Variants in PLPPR5 observed in about 807,000 individuals in gnomAD.
The protein encoded by PLPPR5 is phospholipid phosphatase related 5.
In PLPPR5, 16 loss-of-function variants were observed where a neutral mutation model predicts 33.9. The ratio of observed to expected loss-of-function variants is 0.47; its 90% CI spans 0.32 to 0.72. PLPPR5 has a LOEUF of 0.72. Among genes scored for constraint, PLPPR5 ranks in the 30% least tolerant of loss-of-function variants. The pLI is 0.03. For synonymous variants in PLPPR5, 163 were observed against 150.3 expected (o/e 1.08, Z -0.62); for missense variants, 301 against 406.7 (o/e 0.74, Z 2.23).
intron 3 of PLPPR5, among the ~76,000 whole-genome samples, chr1:98,933,855 C>T (rs977810597): frequency 2.0e-5 from 3 of 152,104 alleles, no homozygotes; most frequent in Non-Finnish European, 2.9e-5. Context: ...ATTTGGGCAA[C>T]GTGAGCAGAT....
intron 3 of PLPPR5, among the ~76,000 whole-genome samples, chr1:98,949,914 C>CA (rs1259955758): frequency 1.3e-5 from 2 of 152,126 alleles, no homozygotes; most frequent in African/African-American, 4.8e-5. Flanking sequence ...AAGCAGGAAT[C>CA]CTAGTTTGTA....
At chr1:98,978,919 C>A (rs1651962507) in intron 1 of PLPPR5, among the ~76,000 whole-genome samples, 1 of 152,016 alleles carries the variant, frequency 6.6e-6, no homozygotes, top group African/African-American at 2.4e-5. Context: ...TCCTTCCCAA[C>A]CAAATCCAAA....
intron 3 of PLPPR5, among the ~76,000 whole-genome samples, chr1:98,944,929 G>A (rs866869635): frequency 2.2e-4 from 34 of 152,168 alleles, no homozygotes; most frequent in Admixed American, 1.6e-3. Flanking sequence ...TAATTGTGTC[G>A]TTTGAAAAGC....
chr1:98,974,305 G>T (rs72730396), intron 1 of PLPPR5, among the ~76,000 whole-genome samples: 10,633 of 152,070 alleles, frequency 0.07, 502 homozygotes, highest in Non-Finnish European at 0.096. Context: ...AAGCAAGGAG[G>T]TTGTCATTGG....
At chr1:98,938,161 G>GA (rs201954296) in intron 3 of PLPPR5, among the ~76,000 whole-genome samples, 184 of 148,372 alleles carry the variant, frequency 1.2e-3, no homozygotes, top group African/African-American at 3.8e-3. Context: ...AAAGAAAAAG[G>GA]AAAAAAAAAG....
intron 3 of PLPPR5, among the ~76,000 whole-genome samples, chr1:98,939,627 G>T (rs745446413): frequency 1.4e-4 from 21 of 151,966 alleles, no homozygotes; most frequent in Non-Finnish European, 2.9e-4. Context: ...CAGATGCTCT[G>T]CAAATGATGC....
At chr1:98,959,053 A>C (rs1239287480) in intron 1 of PLPPR5, among the ~76,000 whole-genome samples, 1 of 152,196 alleles carries the variant, frequency 6.6e-6, no homozygotes, top group African/African-American at 2.4e-5. Context: ...TTTTCAAAAA[A>C]CCGTCAGCTT....
chr1:98,987,928 A>G (rs180981650), intron 1 of PLPPR5, among the ~76,000 whole-genome samples: 1 of 152,222 alleles, frequency 6.6e-6, no homozygotes, highest in East Asian at 1.9e-4. Flanking sequence ...ATGAACAAAA[A>G]TTGAAATATT....
intron 3 of PLPPR5, among the ~76,000 whole-genome samples, chr1:98,943,704 G>A (rs1422377741): frequency 6.6e-6 from 1 of 152,196 alleles, no homozygotes; most frequent in East Asian, 1.9e-4. Flanking sequence ...CATTATTGAA[G>A]GGAGGATAGT....
chr1:98,941,939 T>G (rs926336531), intron 3 of PLPPR5, among the ~76,000 whole-genome samples: 5 of 151,404 alleles, frequency 3.3e-5, no homozygotes, highest in African/African-American at 1.2e-4. Flanking sequence ...AAATGCATCC[T>G]CAATTTAGAA....
At chr1:98,963,903 TA>T (rs1651341621) in intron 1 of PLPPR5, among the ~76,000 whole-genome samples, 1 of 152,236 alleles carries the variant, frequency 6.6e-6, no homozygotes, top group Non-Finnish European at 1.5e-5. Context: ...TCACCCTTTC[TA>T]ACTCCATTGC....
intron 4 of PLPPR5, among the ~76,000 whole-genome samples, chr1:98,920,596 A>AG (rs1649513918): frequency 6.8e-6 from 1 of 147,640 alleles, no homozygotes; most frequent in African/African-American, 2.5e-5. Flanking sequence ...GTATCACCAA[A>AG]AAAAAAAAAA....
chr1:98,994,716 C>A (rs540055536), intron 1 of PLPPR5, among the ~76,000 whole-genome samples: 1 of 152,198 alleles, frequency 6.6e-6, no homozygotes, highest in South Asian at 2.1e-4. Context: ...AAAGGTCCCA[C>A]TCCAAAGTCT....
Position 98,891,097 on chromosome 1 carries a change from T to C in PLPPR5, c.*1975A>G, listed in dbSNP as rs183741026. 1.6e-4 allele frequency: 24 copies of C among 152,236 alleles called. No individual in the cohort carries two copies. The highest frequency in any genetic ancestry group is 4.6e-4 in the African/African-American group (19 of 41,562). The allele number at this position is 152,236 out of a possible 1,614,324, so 9.4% of individuals were successfully genotyped here. On this transcript the variant is annotated 3_prime_UTR_variant, in exon 6 of 6. Transcript: ENST00000263177. ...TTCACTTTCATTCTCAATAAGTGAA[T>C]TCCCTATTACTGTTATTGCCTAAAA...
intron 1 of PLPPR5, among the ~76,000 whole-genome samples, chr1:98,964,787 C>T (rs1235404056): frequency 1.3e-5 from 2 of 152,076 alleles, no homozygotes; most frequent in East Asian, 3.9e-4. Context: ...GAAACTAATA[C>T]TGAAGGGCTT....
At chr1:98,963,307 TTTA>T (rs1028880309) in intron 1 of PLPPR5, among the ~76,000 whole-genome samples, 3 of 152,210 alleles carry the variant, frequency 2.0e-5, no homozygotes, top group African/African-American at 7.2e-5. Flanking sequence ...ACGTTGTACA[TTTA>T]TTATGATAAT....
chr1:98,901,129 C>T (rs1033334387), intron 5 of PLPPR5, among the ~76,000 whole-genome samples: 1 of 152,092 alleles, frequency 6.6e-6, no homozygotes, highest in Admixed American at 6.6e-5. Context: ...ATCCATACAA[C>T]AGGATACTAC....
intron 1 of PLPPR5, among the ~76,000 whole-genome samples, chr1:98,973,096 C>T (rs1456453102): frequency 6.6e-6 from 1 of 152,018 alleles, no homozygotes; most frequent in Non-Finnish European, 1.5e-5. Flanking sequence ...TTAGTCATTT[C>T]TGAGCCATCC....
intron 5 of PLPPR5, among the ~76,000 whole-genome samples, chr1:98,902,472 GA>G (rs1361251924): frequency 1.3e-5 from 2 of 152,016 alleles, no homozygotes. Flanking sequence ...ATTATTTACT[GA>G]TTTCTTCTTT....
Sources: allele counts gnomAD v4.1 joint callset (sites outside exome capture counted in the v4.1 genomes callset), GRCh38; gene constraint gnomAD v4.1.1; transcripts MANE v1.5; gene names NCBI Gene and HGNC (gene_info 2026-07-23, HGNC 2026-07-21).